ZNF385D: variants seen among roughly 807,000 people sequenced by gnomAD.
ZNF385D encodes zinc finger protein 385D.
In ZNF385D, 15 loss-of-function variants were observed where a neutral mutation model predicts 35.8. The ratio of observed to expected loss-of-function variants is 0.42; its 90% CI spans 0.28 to 0.64. The LOEUF is 0.64. ZNF385D is among the 30% of genes least tolerant of loss of function. The pLI, the probability that ZNF385D is intolerant of heterozygous loss-of-function variation, is 0.23. For synonymous variants in ZNF385D, 212 were observed against 186.8 expected (o/e 1.13, Z -1.10); for missense variants, 474 against 494.6 (o/e 0.96, Z 0.39).
At chr3:21,556,929 T>C (rs1057033386) in intron 3 of ZNF385D, among the ~76,000 whole-genome samples, 2 of 152,186 alleles carry the variant, frequency 1.3e-5, no homozygotes, top group Non-Finnish European at 2.9e-5. Context: ...ATTCTCTTTG[T>C]AGCAATTGTG....
At chr3:21,907,100 C>T (rs146434533) in intron 3 of ZNF385D, among the ~76,000 whole-genome samples, 127 of 152,188 alleles carry the variant, frequency 8.3e-4, no homozygotes, top group Non-Finnish European at 1.4e-3. Flanking sequence ...ACCTGCTCAT[C>T]GAGAATGTTT....
intron 4 of ZNF385D, among the ~76,000 whole-genome samples, chr3:21,456,340 C>T (rs530581621): frequency 8.3e-4 from 126 of 152,218 alleles, no homozygotes; most frequent in Non-Finnish European, 1.5e-3. Flanking sequence ...CTAACCCAAA[C>T]GTCCAACAAT....
chr3:21,648,114 T>A (rs2065806092), intron 2 of ZNF385D, among the ~76,000 whole-genome samples: 1 of 152,138 alleles, frequency 6.6e-6, no homozygotes, highest in African/African-American at 2.4e-5. Context: ...AAATGTCATC[T>A]CGAATTGTAA....
intron 2 of ZNF385D, among the ~76,000 whole-genome samples, chr3:22,174,273 T>C (rs915663429): frequency 2.0e-5 from 3 of 152,198 alleles, no homozygotes; most frequent in African/African-American, 7.2e-5. Flanking sequence ...TACATCGTTT[T>C]GTCTATGATT....
At chr3:21,446,710 C>T (rs576376104) in intron 4 of ZNF385D, among the ~76,000 whole-genome samples, 1 of 151,892 alleles carries the variant, frequency 6.6e-6, no homozygotes, top group African/African-American at 2.4e-5. Context: ...GCCAGCCGGT[C>T]TCCAATCTCT....
chr3:22,214,433 T>A (rs1697726037), intron 2 of ZNF385D, among the ~76,000 whole-genome samples: 1 of 152,044 alleles, frequency 6.6e-6, no homozygotes, highest in Non-Finnish European at 1.5e-5. Context: ...ATAACAGCAA[T>A]GTTCAGGGAA....
At chr3:21,987,756 C>G (rs921448223) in intron 3 of ZNF385D, among the ~76,000 whole-genome samples, 4 of 140,640 alleles carry the variant, frequency 2.8e-5, no homozygotes, top group African/African-American at 1.1e-4. Context: ...TAATATCCTG[C>G]AGAGTGTTTT....
intron 3 of ZNF385D, chr3:21,542,933 T>A (rs2062227869): frequency 6.5e-6 from 1 of 152,966 alleles, no homozygotes; most frequent in Non-Finnish European, 1.5e-5. Context: ...AACCCAGTCT[T>A]CAGATGAAGG....
intron 2 of ZNF385D, among the ~76,000 whole-genome samples, chr3:22,205,733 C>A (rs1448762824): frequency 6.6e-6 from 1 of 151,816 alleles, no homozygotes; most frequent in African/African-American, 2.4e-5. Flanking sequence ...ATGGTAACTC[C>A]ACATCTAAAA....
intron 3 of ZNF385D, among the ~76,000 whole-genome samples, chr3:21,895,433 T>TC (rs1559731857): frequency 6.7e-6 from 1 of 150,162 alleles, no homozygotes; most frequent in Non-Finnish European, 1.5e-5. Context: ...TTCAAGTGAT[T>TC]CTCCTGCCTC....
intron 3 of ZNF385D, among the ~76,000 whole-genome samples, chr3:22,123,270 G>A (rs1703206875): frequency 6.6e-6 from 1 of 151,990 alleles, no homozygotes; most frequent in South Asian, 2.1e-4. Flanking sequence ...AAAGTGAGAA[G>A]TTCAAGAGTA....
chr3:22,302,786 C>T (rs1478095621), intron 2 of ZNF385D, among the ~76,000 whole-genome samples: 1 of 151,856 alleles, frequency 6.6e-6, no homozygotes, highest in Non-Finnish European at 1.5e-5. Flanking sequence ...CTTTGAAAGG[C>T]CTCACATGTC....
intron 3 of ZNF385D, among the ~76,000 whole-genome samples, chr3:21,848,123 C>A (rs75316192): frequency 0.027 from 4,153 of 152,064 alleles, 197 homozygotes; most frequent in African/African-American, 0.093. Context: ...TGACTTATTT[C>A]TCTTAGCATA....
chr3:21,779,809 G>A (rs2071422588), intron 3 of ZNF385D, among the ~76,000 whole-genome samples: 1 of 151,742 alleles, frequency 6.6e-6, no homozygotes, highest in South Asian at 2.1e-4. Context: ...GCTGAGTATG[G>A]CTTTAGATTT....
At chr3:21,870,830 A>T (rs982329313) in intron 3 of ZNF385D, among the ~76,000 whole-genome samples, 1 of 152,062 alleles carries the variant, frequency 6.6e-6, no homozygotes, top group African/African-American at 2.4e-5. Context: ...TTTCTTTTGC[A>T]ATTTTTACAT....
chr3:21,523,700 C>A (rs1708051648), intron 3 of ZNF385D, among the ~76,000 whole-genome samples: 1 of 152,064 alleles, frequency 6.6e-6, no homozygotes, highest in Non-Finnish European at 1.5e-5. Flanking sequence ...AAGAAGTCAG[C>A]TCTTGCACAA....
At chr3:22,074,267 G>A (rs1448695217) in intron 3 of ZNF385D, among the ~76,000 whole-genome samples, 2 of 151,954 alleles carry the variant, frequency 1.3e-5, no homozygotes, top group Non-Finnish European at 2.9e-5. Context: ...CAGCTGGAGT[G>A]AAGACATTGA....
intron 2 of ZNF385D, among the ~76,000 whole-genome samples, chr3:22,174,772 G>A (rs1245720830): frequency 8.6e-5 from 13 of 152,016 alleles, no homozygotes; most frequent in Admixed American, 8.5e-4. Context: ...GATGACAGCT[G>A]GCTATTTCAT....
At chr3:21,694,596 A>G (rs950998920) in intron 1 of ZNF385D, among the ~76,000 whole-genome samples, 1 of 152,162 alleles carries the variant, frequency 6.6e-6, no homozygotes, top group African/African-American at 2.4e-5. Context: ...TCGGAAAACA[A>G]AGAGAAATCA....
Sources: gnomAD v4.1 joint callset for allele counts (sites outside exome capture counted in the v4.1 genomes callset) on GRCh38, gnomAD v4.1.1 for gene constraint, MANE v1.5 for transcripts, NCBI Gene and HGNC (gene_info 2026-07-23, HGNC 2026-07-21) for gene names.